NEO1: variants seen among roughly 807,000 people sequenced by gnomAD.
NEO1 encodes the protein neogenin 1.
In NEO1, 63 loss-of-function variants were observed where a neutral mutation model predicts 159.7. That is an observed-to-expected ratio of 0.39 (90% CI 0.32 to 0.49). The LOEUF (loss-of-function observed/expected upper bound fraction) is 0.49. Among genes scored for constraint, NEO1 ranks in the 20% least tolerant of loss-of-function variants. The pLI is 0.85. For missense variants in NEO1, 1,615 were observed against 1,831.0 expected, an observed-to-expected ratio of 0.88 and a Z score of 2.15; for synonymous variants, 633 against 662.0, an observed-to-expected ratio of 0.96 and a Z score of 0.67.
Position 73,122,050 on chromosome 15 carries a change from T to G in NEO1, c.449-475T>G, listed in dbSNP as rs3028518. Among the ~76,000 whole-genome samples, 93 of 52,976 alleles carry G rather than the reference T, an allele frequency of 1.8e-3. 2 individuals are homozygous for G. Among genetic ancestry groups the G allele is most frequent in the South Asian group, 3.4e-3 (4 of 1,164 alleles). 34.8% of individuals were successfully genotyped at this position (52,976 alleles called of 152,430 possible). On this transcript the variant is annotated intron_variant, in intron 2 of 28. Coordinates refer to ENST00000261908, the MANE Select transcript of NEO1 (RefSeq NM_002499.4). ...GACAGGGCTAGGAAATATATAGGGG[T>G]GTGTGTGTGTGTGTATATATATATA...
intron 7 of NEO1, among the ~76,000 whole-genome samples, chr15:73,223,877 A>G (rs1397924594): frequency 2.0e-5 from 3 of 151,846 alleles, no homozygotes; most frequent in Non-Finnish European, 4.4e-5. Flanking sequence ...TTTAACTTGT[A>G]CTTTTGTTTT....
In NEO1 at chr15:73,059,902, A is replaced by G. The variant is rs2067896070; in HGVS notation, c.130+7097A>G. Among the ~76,000 whole-genome samples the G allele has an allele frequency of 5.9e-5, 9 of 152,148 alleles. No homozygotes were observed. The South Asian group carries it at 1.9e-3, about 32-fold the overall frequency. On this transcript the variant is annotated intron_variant, in intron 1 of 28. Coordinates refer to ENST00000261908, the MANE Select transcript of NEO1 (RefSeq NM_002499.4). Reference sequence around the variant, plus strand: ...ATGTTTTTTGGAAATCTGGAGATTGATCATACTGATTTTCAGAATTGATTA... The same window carrying G: ...ATGTTTTTTGGAAATCTGGAGATTGGTCATACTGATTTTCAGAATTGATTA...
At chr15:73,296,130 G>A (rs757594631) in intron 26 of NEO1, among the ~76,000 whole-genome samples, 1 of 152,124 alleles carries the variant, frequency 6.6e-6, no homozygotes, top group East Asian at 1.9e-4. Context: ...CACCTTTTGC[G>A]CCATCTCTTT....
intron 5 of NEO1, among the ~76,000 whole-genome samples, chr15:73,142,820 C>CA (rs1021804037): frequency 6.6e-6 from 1 of 151,832 alleles, no homozygotes; most frequent in East Asian, 1.9e-4. Flanking sequence ...AAATTTCATC[C>CA]AAAAAAAATT....
chr15:73,256,355 C>T (rs2040348805), intron 13 of NEO1, among the ~76,000 whole-genome samples: 1 of 152,054 alleles, frequency 6.6e-6, no homozygotes, highest in Non-Finnish European at 1.5e-5. Flanking sequence ...CAAAAATTAG[C>T]TGGGTGTGGT....
In NEO1 at chr15:73,273,814, A is replaced by T. The variant is rs1384629695; in HGVS notation, c.2969A>T (p.Tyr990Phe). The stretch of plus-strand genomic sequence containing the variant: ...TCCCATTAATTCCTTTGGACAGGTT[A>T]CATCATATATTACAGTACAGATGTG... The part of the protein sequence containing the change: ...PSEANGKITG[Y>F]IIYYSTDVNA... Residue 990 changes from tyrosine (Y) to phenylalanine (F), a missense_variant, in exon 20 of 29, where the codon TAC becomes TTC. This residue lies in a region of NEO1 where 126 missense variants were observed against 216.7 expected (regional missense o/e 0.58). Transcript: ENST00000261908. 6.2e-7 allele frequency: 1 copy of T among 1,610,662 alleles called. No homozygotes were observed. The highest frequency in any genetic ancestry group is 8.5e-7 in the Non-Finnish European group (1 of 1,178,686).
intron 7 of NEO1, among the ~76,000 whole-genome samples, chr15:73,198,349 T>A (rs971311107): frequency 6.6e-6 from 1 of 152,218 alleles, no homozygotes; most frequent in Non-Finnish European, 1.5e-5. Context: ...CACTTGATTA[T>A]ATTTTATGAT....
rs900172543 is a variant in NEO1, at chr15:73,303,183, A to G, written c.*487A>G. The G allele has an allele frequency of 3.2e-5, 5 of 155,354 alleles. No individual in the cohort carries two copies. The highest frequency in any genetic ancestry group is 1.2e-4 in the African/African-American group (5 of 41,426). 9.6% of individuals were successfully genotyped at this position (155,354 alleles called of 1,614,324 possible). On this transcript the variant is annotated 3_prime_UTR_variant, in exon 29 of 29. Coordinates refer to ENST00000261908, the MANE Select transcript of NEO1 (RefSeq NM_002499.4). ...TGGTTGACATTTGACTGCTTGTTCCAATTATGTATGGAAAGTCTTTGACAG... is the reference window on the plus strand; with the variant it reads ...TGGTTGACATTTGACTGCTTGTTCCGATTATGTATGGAAAGTCTTTGACAG...
chr15:73,201,936 A>G (rs1339914859), intron 7 of NEO1, among the ~76,000 whole-genome samples: 1 of 146,578 alleles, frequency 6.8e-6, no homozygotes, highest in Non-Finnish European at 1.5e-5. Context: ...TTGATTAATT[A>G]TAGCAAGCTA....
intron 23 of NEO1, among the ~76,000 whole-genome samples, chr15:73,286,073 C>CCACCCT (rs2041933951): frequency 7.2e-6 from 1 of 138,116 alleles, no homozygotes; most frequent in African/African-American, 2.7e-5. Context: ...AACCTCACCC[C>CCACCCT]CACCCCCACC....
chr15:73,283,829 T>G (rs1175701326), intron 23 of NEO1, among the ~76,000 whole-genome samples: 1 of 152,186 alleles, frequency 6.6e-6, no homozygotes, highest in Non-Finnish European at 1.5e-5. Flanking sequence ...GCCAGCCCAG[T>G]TGGAAGAAGA....
chr15:73,290,881 C>T (rs962116094), intron 25 of NEO1, among the ~76,000 whole-genome samples: 3 of 152,190 alleles, frequency 2.0e-5, no homozygotes, highest in East Asian at 3.9e-4. Flanking sequence ...AATCCCCAAC[C>T]TCTTGGTGGA....
In NEO1 at chr15:73,236,445, T is replaced by C; in HGVS notation, c.1390T>C (p.Ser464Pro). ...FIKLTWRTPA[S>P]DPHGDNLTYS... ...CAAATTGACGTGGCGGACACCTGCA[T>C]CAGATCCTCACGGAGACAACCTTAC... is the stretch of plus-strand genomic sequence containing the variant. The change falls in exon 8 of 29, where the codon TCA becomes CCA. Residue 464 changes from serine (S) to proline (P), a missense_variant. Ser to Pro is a moderately conservative substitution (Grantham distance 74). Transcript: ENST00000261908. 1 of 1,614,150 alleles carries C rather than the reference T, an allele frequency of 6.2e-7. No individual in the cohort carries two copies. Among genetic ancestry groups the C allele is most frequent in the Non-Finnish European group, 8.5e-7 (1 of 1,180,012 alleles).
intron 25 of NEO1, among the ~76,000 whole-genome samples, chr15:73,289,496 T>C (rs192314743): frequency 9.2e-5 from 14 of 152,258 alleles, no homozygotes; most frequent in African/African-American, 3.4e-4. Context: ...GGGGAGTAAC[T>C]AGTCTCCCTA....
At chr15:73,301,563 A>G (rs542420595) in intron 28 of NEO1, 106 bp downstream of exon 28, 221 of 1,436,130 alleles carry the variant, frequency 1.5e-4, no homozygotes, top group Non-Finnish European at 1.9e-4. Context: ...CCCGCCACCC[A>G]GAACTATGAA....
chr15:73,158,943 T>A (rs2033976439), intron 5 of NEO1, among the ~76,000 whole-genome samples: 1 of 152,166 alleles, frequency 6.6e-6, no homozygotes, highest in Non-Finnish European at 1.5e-5. Flanking sequence ...AGGTCTGCAG[T>A]GAAAACTACT....
intron 7 of NEO1, among the ~76,000 whole-genome samples, chr15:73,204,650 A>G (rs2037110713): frequency 6.6e-6 from 1 of 152,012 alleles, no homozygotes; most frequent in African/African-American, 2.4e-5. Flanking sequence ...TGTGCTTACT[A>G]GTCTCTTCTT....
At chr15:73,083,730 C>A (rs2069197167) in intron 1 of NEO1, among the ~76,000 whole-genome samples, 1 of 152,052 alleles carries the variant, frequency 6.6e-6, no homozygotes, top group African/African-American at 2.4e-5. Flanking sequence ...CGTTATTCTG[C>A]CTTATGTTCC....
chr15:73,245,734 C>T (rs915261771), intron 9 of NEO1, among the ~76,000 whole-genome samples: 1 of 144,776 alleles, frequency 6.9e-6, no homozygotes, highest in East Asian at 2.0e-4. Flanking sequence ...GCCACCATGC[C>T]TAGCTAATTT....
Sources: allele counts gnomAD v4.1 joint callset (sites outside exome capture counted in the v4.1 genomes callset), GRCh38; gene constraint gnomAD v4.1.1; regional missense constraint gnomAD v4.1.1; transcripts MANE v1.5; gene names NCBI Gene and HGNC (gene_info 2026-07-23, HGNC 2026-07-21).